Variants in ECPAS observed in about 807,000 individuals in gnomAD.
The protein encoded by ECPAS is Ecm29 proteasome adaptor and scaffold.
In ECPAS, 70 loss-of-function variants were observed where a neutral mutation model predicts 255.1. That is an observed-to-expected ratio of 0.27 (90% CI 0.23 to 0.33). ECPAS has a LOEUF of 0.33. Ranked by LOEUF, ECPAS falls within the 10% of genes least tolerant of loss-of-function variation. The pLI, the probability that ECPAS is intolerant of heterozygous loss-of-function variation, is 1.00. For missense variants in ECPAS, 1,817 were observed against 2,206.4 expected (o/e 0.82, Z 3.54); for synonymous variants, 784 against 775.0 (o/e 1.01, Z -0.19).
chr9:111,391,295 C>T (rs2098159642), intron 29 of ECPAS, among the ~76,000 whole-genome samples: 1 of 152,112 alleles, frequency 6.6e-6, no homozygotes, highest in South Asian at 2.1e-4. Flanking sequence ...AGACGTCAGC[C>T]TGCCAGGCAC....
intron 2 of ECPAS, among the ~76,000 whole-genome samples, chr9:111,458,647 G>A (rs959535970): frequency 1.3e-5 from 2 of 151,868 alleles, no homozygotes; most frequent in Admixed American, 1.3e-4. Flanking sequence ...GGGAGAGGAG[G>A]GTGGGGGGGG....
rs190795517 is a variant in ECPAS, at chr9:111,466,748, C to A, written c.22+6149G>T. ...ATTGCAGTCTCAAGCCATTCTTCCA[C>A]CTCAGCCTTGGAAGTAGCTAGAATC... On this transcript the variant is annotated intron_variant, in intron 2 of 49. Coordinates refer to ENST00000684092, the MANE Select transcript of ECPAS (RefSeq NM_001364929.1). Among the ~76,000 whole-genome samples, 105 of 152,172 alleles carry A rather than the reference C, an allele frequency of 6.9e-4. No individual in the cohort carries two copies. The East Asian group carries it at 0.02, about 29-fold the overall frequency.
At chr9:111,411,962 C>A in intron 21 of ECPAS, 52 bp downstream of exon 21, 3 of 1,435,524 alleles carry the variant, frequency 2.1e-6, no homozygotes, top group Non-Finnish European at 2.8e-6. Context: ...AAGTTAGATC[C>A]TTTTATAAAA....
At chr9:111,459,065 G>C (rs966714433) in intron 2 of ECPAS, among the ~76,000 whole-genome samples, 1 of 152,116 alleles carries the variant, frequency 6.6e-6, no homozygotes, top group Non-Finnish European at 1.5e-5. Context: ...ATATGAAGTC[G>C]ATTCAGTCTA....
At chr9:111,396,256 CAACA>C (rs2098167492) in intron 25 of ECPAS, among the ~76,000 whole-genome samples, 1 of 152,040 alleles carries the variant, frequency 6.6e-6, no homozygotes, top group South Asian at 2.1e-4. Context: ...AATCAAACCA[CAACA>C]AACTTGAAAT....
At chr9:111,464,288 T>G (rs1228261942) in intron 2 of ECPAS, among the ~76,000 whole-genome samples, 1 of 144,782 alleles carries the variant, frequency 6.9e-6, no homozygotes. Flanking sequence ...AAAAAAAAAA[T>G]TAGCCAGGCA....
intron 2 of ECPAS, among the ~76,000 whole-genome samples, chr9:111,470,746 C>CCACACACACACACACACACACA (rs57091815): frequency 4.8e-5 from 6 of 124,494 alleles, no homozygotes; most frequent in East Asian, 4.6e-4. Flanking sequence ...TCTCCTCCCG[C>CCACACACACACACACACACACA]CACACACACA....
At chr9:111,458,296 T>C (rs2132002703) in intron 2 of ECPAS, among the ~76,000 whole-genome samples, 1 of 152,328 alleles carries the variant, frequency 6.6e-6, no homozygotes, top group South Asian at 2.1e-4. Flanking sequence ...CATAAGAATG[T>C]TGTGAAACAT....
At chr9:111,409,990 T>C in intron 23 of ECPAS, 51 bp downstream of exon 23, 1 of 1,352,042 alleles carries the variant, frequency 7.4e-7, no homozygotes, top group Admixed American at 2.0e-5. Context: ...TGCTCATGTA[T>C]GCATAGAAAG....
intron 31 of ECPAS, 113 bp downstream of exon 31, chr9:111,389,443 T>C (rs533256826): frequency 3.6e-5 from 35 of 960,200 alleles, no homozygotes; most frequent in Admixed American, 6.5e-5. Context: ...TTTATTTGTT[T>C]AAACAAGTAA....
intron 2 of ECPAS, among the ~76,000 whole-genome samples, chr9:111,469,976 G>C (rs748438600): frequency 2.0e-5 from 3 of 152,154 alleles, no homozygotes; most frequent in Non-Finnish European, 2.9e-5. Context: ...ATAAATATAA[G>C]TTGGGAGTGG....
chr9:111,425,317 T>G, intron 12 of ECPAS, 101 bp downstream of exon 12: 1 of 738,006 alleles, frequency 1.4e-6, no homozygotes, highest in South Asian at 2.9e-5. Context: ...ACAGTGAAAC[T>G]TTAACAAACT....
rs1404716141 is a variant in ECPAS, at chr9:111,484,290, G to A, written c.-257C>T. On this transcript the variant is annotated 5_prime_UTR_variant, in exon 1 of 50. Transcript: ENST00000684092. ...GCGGCCGGGGGAAATCCTCGAGGCGGGGCCGGAGCGCCCTTTTCCGAGGTC... is the reference window on the plus strand; with the variant it reads ...GCGGCCGGGGGAAATCCTCGAGGCGAGGCCGGAGCGCCCTTTTCCGAGGTC... 1.3e-6 allele frequency: 2 copies of A among 1,543,680 alleles called. No homozygotes were observed. Among genetic ancestry groups the A allele is most frequent in the Non-Finnish European group, 1.7e-6 (2 of 1,146,382 alleles).
chr9:111,427,952 C>A, intron 10 of ECPAS, 90 bp downstream of exon 10: 1 of 1,104,470 alleles, frequency 9.1e-7, no homozygotes, highest in Non-Finnish European at 1.3e-6. Context: ...TCAACCTACC[C>A]ACTGAATATC....
intron 7 of ECPAS, among the ~76,000 whole-genome samples, chr9:111,434,177 A>G (rs773781889): frequency 5.3e-5 from 8 of 152,226 alleles, no homozygotes; most frequent in Non-Finnish European, 7.3e-5. Context: ...TTAAAAAAGC[A>G]TAACAGATCA....
rs2098188997 is a variant in ECPAS, at chr9:111,408,676, G to A, written c.2551-4C>T. 2 of 1,540,840 alleles carry A rather than the reference G, an allele frequency of 1.3e-6. No individual in the cohort carries two copies. The highest frequency in any genetic ancestry group is 4.7e-5 in the East Asian group (2 of 42,720). The stretch of plus-strand genomic sequence containing the variant: ...TTTGGATTGCTCGTTCTTTCATCTG[G>A]AAGAACACCAAATTTTTTTCTTTTA... On this transcript the variant is annotated splice_polypyrimidine_tract_variant and splice_region_variant and intron_variant, in intron 23 of 49. Coordinates refer to ENST00000684092, the MANE Select transcript of ECPAS (RefSeq NM_001364929.1).
Position 111,386,494 on chromosome 9 carries a change from T to C in ECPAS, c.3448-38A>G, listed in dbSNP as rs771240323. 3.3e-6 allele frequency: 4 copies of C among 1,199,910 alleles called. No individual in the cohort carries two copies. In the East Asian group the frequency reaches 9.4e-5, roughly 28 times the overall value. The allele number at this position is 1,199,910 out of a possible 1,614,324, so 74.3% of individuals were successfully genotyped here. ...AAAGGATAAAATTTAAAATGCAAAA[T>C]CCATCAATAATCAAATTACTCAACT... On this transcript the variant is annotated intron_variant, in intron 31 of 49. Coordinates refer to ENST00000684092, the MANE Select transcript of ECPAS (RefSeq NM_001364929.1).
chr9:111,481,283 G>T (rs1057503255), intron 1 of ECPAS, among the ~76,000 whole-genome samples: 1 of 152,094 alleles, frequency 6.6e-6, no homozygotes, highest in African/African-American at 2.4e-5. Context: ...GATCACAGCA[G>T]ATCACAAGGT....
intron 28 of ECPAS, 39 bp downstream of exon 28, chr9:111,392,729 T>A: frequency 7.2e-7 from 1 of 1,381,482 alleles, no homozygotes; most frequent in African/African-American, 1.4e-5. Context: ...AGAGACTTCC[T>A]CTATGGGCTT....
Sources: gnomAD v4.1 joint callset for allele counts (sites outside exome capture counted in the v4.1 genomes callset) on GRCh38, gnomAD v4.1.1 for gene constraint, MANE v1.5 for transcripts, NCBI Gene and HGNC (gene_info 2026-07-23, HGNC 2026-07-21) for gene names.